RC3H2: variants seen among roughly 807,000 people sequenced by gnomAD.
RC3H2 encodes the protein ring finger and CCCH-type domains 2.
RC3H2 carries 31 observed loss-of-function variants against 133.3 expected under a neutral mutation model. The observed-to-expected ratio is 0.23, with a 90% CI of 0.17 to 0.31. The LOEUF (loss-of-function observed/expected upper bound fraction) is 0.31, where lower values mean the gene tolerates loss of function less well. RC3H2 is among the 10% of genes least tolerant of loss of function. The pLI is 1.00. For synonymous variants in RC3H2, 517 were observed against 502.2 expected (o/e 1.03, Z -0.40); for missense variants, 1,175 against 1,437.2 (o/e 0.82, Z 2.95).
At position 122,858,722 on chromosome 9, in the gene RC3H2, A is replaced by G. The variant is rs1683499258; in HGVS notation, c.2230T>C (p.Ser744Pro). Reference sequence around the variant, plus strand: ...TCACTTGGTGGCTGACAAGCCACCGAATAATATCCATCTAATGAGTTATAT... The same window carrying G: ...TCACTTGGTGGCTGACAAGCCACCGGATAATATCCATCTAATGAGTTATAT... ...ERYNSLDGYY[S>P]VACQPPSEPR... The change falls in exon 12 of 21, where the codon TCG becomes CCG. Residue 744 changes from serine (S) to proline (P), a missense_variant. By Grantham distance (74) the Ser-to-Pro change is moderately conservative. Transcript: ENST00000357244. The G allele has an allele frequency of 1.2e-6, 2 of 1,613,758 alleles. No homozygotes were observed. Among genetic ancestry groups the G allele is most frequent in the South Asian group, 2.2e-5 (2 of 91,086 alleles).
intron 10 of RC3H2, among the ~76,000 whole-genome samples, chr9:122,863,058 C>T (rs893213237): frequency 6.6e-6 from 1 of 152,146 alleles, no homozygotes; most frequent in African/African-American, 2.4e-5. Context: ...CAAGAGAAAC[C>T]TGTACCCATT....
intron 11 of RC3H2, 150 bp from the exon 12 acceptor site, chr9:122,859,252 C>CTTTTTTGTT (rs1830367873): frequency 5.6e-6 from 1 of 179,744 alleles, no homozygotes; most frequent in African/African-American, 4.9e-5. Flanking sequence ...TATACCCTGG[C>CTTTTTTGTT]TTTTTTTTTT....
chr9:122,889,425 G>A (rs367770760), intron 4 of RC3H2, among the ~76,000 whole-genome samples: 6 of 151,796 alleles, frequency 4.0e-5, no homozygotes, highest in Non-Finnish European at 7.4e-5. Context: ...TGCTTTTTCC[G>A]CATTTTGATC....
chr9:122,866,862 G>A (rs1405398989), intron 9 of RC3H2, among the ~76,000 whole-genome samples: 3 of 151,312 alleles, frequency 2.0e-5, no homozygotes, highest in Admixed American at 1.3e-4. Flanking sequence ...CTGCCTGGCC[G>A]CCTATCGTCT....
intron 8 of RC3H2, among the ~76,000 whole-genome samples, chr9:122,878,744 ACTT>A (rs1398955174): frequency 2.0e-5 from 3 of 150,812 alleles, no homozygotes; most frequent in Non-Finnish European, 3.0e-5. Flanking sequence ...TTATATCTTA[ACTT>A]CTTTTTATTT....
chr9:122,888,650 A>G (rs1832033436), intron 4 of RC3H2, among the ~76,000 whole-genome samples: 1 of 152,210 alleles, frequency 6.6e-6, no homozygotes, highest in Non-Finnish European at 1.5e-5. Context: ...AGCAGAATAT[A>G]TACTTCTTCC....
chr9:122,880,884 A>ATACT, intron 5 of RC3H2, 90 bp from the exon 6 acceptor site: 1 of 850,318 alleles, frequency 1.2e-6, no homozygotes. Context: ...AGGGTGGGGG[A>ATACT]TACTTACATA....
In RC3H2 at chr9:122,865,537, A is replaced by G; in HGVS notation, c.1446T>C (p.Ser482=). 6.2e-7 allele frequency: 1 copy of G among 1,614,212 alleles called. No homozygotes were observed. Among genetic ancestry groups the G allele is most frequent in the Non-Finnish European group, 8.5e-7 (1 of 1,180,036 alleles). ...GAACAATTTTCCCTGTTGTTTCAGT[A>G]CTTCCTATGACAGAAATGACATTTC... ...TAGNVISVIG[S]TETTGKIVPS... The change falls in exon 10 of 21, where the codon AGT becomes AGC. Residue 482 remains serine (S), a synonymous_variant. Transcript: ENST00000357244.
chr9:122,884,008 A>C (rs1441038986), intron 4 of RC3H2, among the ~76,000 whole-genome samples: 6 of 151,848 alleles, frequency 4.0e-5, no homozygotes, highest in African/African-American at 1.5e-4. Context: ...AATACATAAA[A>C]ATTAGGCCGG....
rs1038049321 is a variant in RC3H2 at position 122,847,609 on chromosome 9, C to T, written c.*2018G>A. The T allele has an allele frequency of 2.7e-5, 4 of 150,534 alleles. No homozygotes were observed. Among genetic ancestry groups the T allele is most frequent in the Admixed American group, 2.0e-4 (3 of 15,020 alleles). The allele number at this position is 150,534 out of a possible 1,614,324, so 9.3% of individuals were successfully genotyped here. On this transcript the variant is annotated 3_prime_UTR_variant, in exon 21 of 21. Coordinates refer to ENST00000357244, the MANE Select transcript of RC3H2 (RefSeq NM_001100588.3). ...AAAGGTTCTGATATAAATTATATAA[C>T]AATCATGTTCCTGTAATATTCTAGG...
At chr9:122,853,728 T>TA in intron 18 of RC3H2, 1 of 1,216,540 alleles carries the variant, frequency 8.2e-7, no homozygotes, top group Non-Finnish European at 1.1e-6. Flanking sequence ...CTCCAGGCGA[T>TA]AGAGCAAGAT....
At chr9:122,853,390 A>AG (rs1347892421) in intron 18 of RC3H2, among the ~76,000 whole-genome samples, 1 of 151,120 alleles carries the variant, frequency 6.6e-6, no homozygotes, top group African/African-American at 2.4e-5. Flanking sequence ...AAAAAAAAAA[A>AG]AAAAAAAGAA....
rs748271527 is a variant in RC3H2 at position 122,853,946 on chromosome 9, C to T, written c.3117+6G>A. 6.2e-7 allele frequency: 1 copy of T among 1,614,220 alleles called. No individual in the cohort carries two copies. The highest frequency in any genetic ancestry group is 8.5e-7 in the Non-Finnish European group (1 of 1,180,034). ...AGCATGAAGCCGAAAGGTTCAGTTT[C>T]TTTACCTCTCCATTTCTTAGTTCAA... On this transcript the variant is annotated splice_donor_region_variant and intron_variant, in intron 18 of 20. Transcript: ENST00000357244.
chr9:122,871,511 G>C (rs1026566808), intron 9 of RC3H2, among the ~76,000 whole-genome samples: 3 of 151,260 alleles, frequency 2.0e-5, no homozygotes, highest in African/African-American at 4.9e-5. Flanking sequence ...GTTAGTGGGG[G>C]GGGGGGTTTC....
At position 122,880,040 on chromosome 9, in the gene RC3H2, C is replaced by T; in HGVS notation, c.1046G>A (p.Arg349Lys). 3 of 1,614,190 alleles carry T rather than the reference C, an allele frequency of 1.9e-6. No homozygotes were observed. The highest frequency in any genetic ancestry group is 2.5e-6 in the Non-Finnish European group (3 of 1,180,032). Reference sequence around the variant, plus strand: ...AAGAAGCTCTAAATGAGGCCTCAGTCTATTTAAGTTAGCTGGGTCACCTGT... The same window carrying T: ...AAGAAGCTCTAAATGAGGCCTCAGTTTATTTAAGTTAGCTGGGTCACCTGT... ...QRTGDPANLN[R>K]LRPHLELLAN... is the part of the protein sequence containing the mutation. The change falls in exon 7 of 21, where the codon AGA (arginine) becomes AAA (lysine). Residue 349 changes from arginine (R) to lysine (K), a missense_variant. Transcript: ENST00000357244.
At chr9:122,880,413 C>A in intron 6 of RC3H2, 181 bp downstream of exon 6, 1 of 669,628 alleles carries the variant, frequency 1.5e-6, no homozygotes, top group Non-Finnish European at 2.5e-6. Context: ...TATTTGTTTC[C>A]CTGTTGCATC....
At chr9:122,860,805 T>C (rs1055732864) in intron 10 of RC3H2, among the ~76,000 whole-genome samples, 9 of 151,398 alleles carry the variant, frequency 5.9e-5, no homozygotes, top group Non-Finnish European at 1.3e-4. Flanking sequence ...CGAAAAAATA[T>C]AGTCCATTAG....
rs1830170533 is a variant in RC3H2, at chr9:122,854,556, T to C, written c.2875A>G (p.Thr959Ala). The stretch of plus-strand genomic sequence containing the variant: ...CTTTCAACATAGTGTGCTGATGATG[T>C]GGCCTCGTTGCCATATGAACTCCAC... Reference protein sequence around the residue: ...SRWSSYGNEATSSAHYVERDR... With the variant: ...SRWSSYGNEAASSAHYVERDR... Residue 959 changes from threonine to alanine, a missense_variant, in exon 16 of 21, where the codon ACA (threonine) becomes GCA (alanine). Thr to Ala is a moderately conservative substitution (Grantham distance 58, BLOSUM62 0). Around this residue, in one of 8 missense-constraint regions of RC3H2, gnomAD observed 138 missense variants for 215.0 expected, o/e 0.64. Transcript: ENST00000357244. The C allele has an allele frequency of 1.2e-6, 2 of 1,613,164 alleles. No homozygotes were observed. The highest frequency in any genetic ancestry group is 1.7e-6 in the Non-Finnish European group (2 of 1,179,084).
At chr9:122,865,729 G>A (rs1437364500) in intron 9 of RC3H2, 72 bp from the exon 10 acceptor site, 3 of 1,308,346 alleles carry the variant, frequency 2.3e-6, no homozygotes, top group South Asian at 2.6e-5. Context: ...ATGGCAATGG[G>A]CAATGGGAAT....
Sources: gnomAD v4.1 joint callset for allele counts (sites outside exome capture counted in the v4.1 genomes callset) on GRCh38, gnomAD v4.1.1 for gene constraint, gnomAD v4.1.1 regional missense constraint, MANE v1.5 for transcripts, NCBI Gene and HGNC (gene_info 2026-07-23, HGNC 2026-07-21) for gene names.